DAP3: variants seen among roughly 807,000 people sequenced by gnomAD.
The protein encoded by DAP3 is death associated protein 3.
In DAP3, 28 loss-of-function variants were observed where a neutral mutation model predicts 51.9. The ratio of observed to expected loss-of-function variants is 0.54; its 90% confidence interval spans 0.40 to 0.74. The LOEUF (loss-of-function observed/expected upper bound fraction) is 0.74, where lower values mean the gene tolerates loss of function less well. DAP3 is among the 30% of genes least tolerant of loss of function. The probability of loss-of-function intolerance (pLI) is 0.00; values close to 1 mark genes in which losing one functional copy is unlikely to be tolerated. For missense variants in DAP3, 458 were observed against 483.5 expected (o/e 0.95, Z 0.49); for synonymous variants, 170 against 170.3 (o/e 1.00, Z 0.01).
At position 155,727,758 on chromosome 1, in the gene DAP3, T is replaced by A; in HGVS notation, c.603+20T>A. 6.2e-7 allele frequency: 1 copy of A among 1,612,912 alleles called. No individual in the cohort carries two copies. Among genetic ancestry groups the A allele is most frequent in the South Asian group, 1.1e-5 (1 of 90,902 alleles). ...AACCAGGTGACTAGACTCCCAGAAG[T>A]TGAGTGCTAGGTAGTCCTTACATGG... On this transcript the variant is annotated intron_variant, in intron 7 of 12. Coordinates refer to ENST00000368336, the MANE Select transcript of DAP3 (RefSeq NM_004632.4).
intron 1 of DAP3, among the ~76,000 whole-genome samples, chr1:155,696,856 G>T (rs1434537178): frequency 1.3e-5 from 2 of 152,172 alleles, no homozygotes; most frequent in Non-Finnish European, 2.9e-5. Flanking sequence ...ATCTGTCTCT[G>T]CCAAAGGAAT....
At chr1:155,699,965 T>C (rs1654976946) in intron 1 of DAP3, among the ~76,000 whole-genome samples, 1 of 149,402 alleles carries the variant, frequency 6.7e-6, no homozygotes, top group African/African-American at 2.5e-5. Context: ...TGAGATGGAG[T>C]CTCGCTCTGT....
chr1:155,736,804 C>A, intron 11 of DAP3, 142 bp from the exon 12 acceptor site: 1 of 746,082 alleles, frequency 1.3e-6, no homozygotes, highest in Non-Finnish European at 2.4e-6. Context: ...AGTCCTGTAT[C>A]AGGCAATGTT....
chr1:155,695,510 G>C (rs1654401799), intron 1 of DAP3, among the ~76,000 whole-genome samples: 1 of 152,158 alleles, frequency 6.6e-6, no homozygotes, highest in Non-Finnish European at 1.5e-5. Context: ...CAACAAGTCA[G>C]CTTGCTCATT....
At chr1:155,721,686 G>A (rs778016543) in intron 4 of DAP3, 68 bp downstream of exon 4, 7 of 1,443,320 alleles carry the variant, frequency 4.8e-6, no homozygotes, top group Non-Finnish European at 6.7e-6. Context: ...AAGGGGTGGG[G>A]CTAAATGAGA....
intron 11 of DAP3, 41 bp downstream of exon 11, chr1:155,732,074 C>A (rs758159403): frequency 3.3e-6 from 5 of 1,506,692 alleles, no homozygotes; most frequent in Admixed American, 2.1e-5. Context: ...AGATTGTTAT[C>A]CTGTTTAAAG....
intron 2 of DAP3, chr1:155,710,704 A>G (rs1311620991): frequency 6.6e-6 from 1 of 152,186 alleles, no homozygotes; most frequent in Non-Finnish European, 1.5e-5. Context: ...CAGATGGAGA[A>G]ACTAAAGATG....
At chr1:155,718,186 G>A (rs1299136156) in intron 3 of DAP3, among the ~76,000 whole-genome samples, 4 of 152,142 alleles carry the variant, frequency 2.6e-5, no homozygotes, top group Non-Finnish European at 5.9e-5. Context: ...AGGAGTTCTA[G>A]ACCAGCCTAG....
intron 3 of DAP3, among the ~76,000 whole-genome samples, chr1:155,720,153 T>G (rs561987961): frequency 6.7e-6 from 1 of 148,722 alleles, no homozygotes; most frequent in Non-Finnish European, 1.5e-5. Context: ...CAAGACCTCA[T>G]CTCTACCAAA....
chr1:155,717,754 A>T (rs1657497691), intron 3 of DAP3, among the ~76,000 whole-genome samples: 2 of 152,192 alleles, frequency 1.3e-5, no homozygotes, highest in African/African-American at 2.4e-5. Context: ...CAGTTTTGTA[A>T]GTGGATTTCC....
chr1:155,699,533 A>G (rs947029103), intron 1 of DAP3, among the ~76,000 whole-genome samples: 3 of 152,292 alleles, frequency 2.0e-5, no homozygotes, highest in African/African-American at 4.8e-5. Flanking sequence ...CTTAATGACT[A>G]GTAATGTTAA....
chr1:155,704,097 A>AT (rs1335837288), intron 1 of DAP3, among the ~76,000 whole-genome samples: 3 of 152,168 alleles, frequency 2.0e-5, no homozygotes, highest in African/African-American at 4.8e-5. Flanking sequence ...CAGTGAGCCT[A>AT]GATTGTGCCA....
intron 3 of DAP3, among the ~76,000 whole-genome samples, chr1:155,719,534 C>A (rs1451080935): frequency 1.3e-5 from 2 of 150,830 alleles, no homozygotes; most frequent in African/African-American, 4.9e-5. Context: ...CTGTGCCCAG[C>A]CAAAAAAATT....
chr1:155,732,383 C>T (rs1207751082), intron 11 of DAP3, among the ~76,000 whole-genome samples: 1 of 151,990 alleles, frequency 6.6e-6, no homozygotes, highest in Non-Finnish European at 1.5e-5. Flanking sequence ...GCGTCCACTA[C>T]CACGCCCAGC....
intron 3 of DAP3, 98 bp from the exon 4 acceptor site, chr1:155,721,419 C>T (rs1467746212): frequency 4.3e-5 from 27 of 628,594 alleles, no homozygotes; most frequent in East Asian, 8.8e-5. Context: ...TATATATATA[C>T]ACATAGACAT....
At chr1:155,689,473 A>T in intron 1 of DAP3, 2 of 459,310 alleles carry the variant, frequency 4.4e-6, no homozygotes, top group Non-Finnish European at 8.7e-6. Flanking sequence ...CAGCCTGGTG[A>T]TGGAGGATGA....
chr1:155,712,477 T>C (rs1358756085), intron 2 of DAP3, among the ~76,000 whole-genome samples: 1 of 152,060 alleles, frequency 6.6e-6, no homozygotes, highest in Non-Finnish European at 1.5e-5. Context: ...CCAGGCGCGG[T>C]GGCGCATGCC....
In DAP3 at chr1:155,709,907, T is replaced by G. The variant is rs1656485983; in HGVS notation, c.45+83T>G. 2.2e-6 allele frequency: 3 copies of G among 1,356,820 alleles called. No individual in the cohort carries two copies. The Admixed American group carries it at 5.8e-5, about 26-fold the overall frequency. 84.0% of individuals were successfully genotyped at this position (1,356,820 alleles called of 1,614,324 possible). A position where few individuals can be genotyped will look rare whatever the true frequency, so the allele number is the denominator to read the frequency against. ...TGTTTTCAGATGGATTCATTGTATC[T>G]AGAGTGAAATGCTCTGGAAAACTTC... On this transcript the variant is annotated intron_variant, in intron 2 of 12. Coordinates refer to ENST00000368336, the MANE Select transcript of DAP3 (RefSeq NM_004632.4).
rs183743622 is a variant in DAP3 at position 155,722,223 on chromosome 1, T to C, written c.270+605T>C. 7.9e-5 allele frequency among the ~76,000 whole-genome samples: 12 copies of C among 152,028 alleles called. No individual in the cohort carries two copies. In the East Asian group the frequency reaches 1.7e-3, roughly 22 times the overall value. Reference sequence around the variant, plus strand: ...GAGTTCGAGACCAGTCTAGGCAACATAGGGAGACCTGTCTCTACAAAAATT... The same window carrying C: ...GAGTTCGAGACCAGTCTAGGCAACACAGGGAGACCTGTCTCTACAAAAATT... On this transcript the variant is annotated intron_variant, in intron 4 of 12. Transcript: ENST00000368336.
Sources: allele counts gnomAD v4.1 joint callset (sites outside exome capture counted in the v4.1 genomes callset), GRCh38; gene constraint gnomAD v4.1.1; transcripts MANE v1.5; gene names NCBI Gene and HGNC (gene_info 2026-07-23, HGNC 2026-07-21).